Variants in TENT2 observed in about 807,000 individuals in gnomAD.
TENT2 encodes poly(A) RNA polymerase GLD2.
TENT2 carries 44 observed loss-of-function variants against 72.2 expected under a neutral mutation model. The observed-to-expected ratio is 0.61, with a 90% CI of 0.48 to 0.78. The LOEUF (loss-of-function observed/expected upper bound fraction) is 0.78, where lower values mean the gene tolerates loss of function less well. TENT2 is among the 30% of genes least tolerant of loss of function. The pLI is 0.00. For synonymous variants in TENT2, 212 were observed against 192.5 expected, an observed-to-expected ratio of 1.10 and a Z score of -0.84; for missense variants, 541 against 569.6, an observed-to-expected ratio of 0.95 and a Z score of 0.51.
chr5:79,666,005 A>G (rs1807434208), intron 11 of TENT2, among the ~76,000 whole-genome samples: 1 of 148,300 alleles, frequency 6.7e-6, no homozygotes, highest in Non-Finnish European at 1.5e-5. Flanking sequence ...TTTTAATGAG[A>G]CGGAGTTTTG....
At chr5:79,619,435 AATTT>A (rs1259256761) in intron 1 of TENT2, among the ~76,000 whole-genome samples, 173 bp from the exon 2 acceptor site, 1 of 152,166 alleles carries the variant, frequency 6.6e-6, no homozygotes, top group Admixed American at 6.5e-5. Context: ...TTAGATTTGG[AATTT>A]ATTATTAGTT....
At chr5:79,626,226 C>G (rs993236867) in intron 4 of TENT2, among the ~76,000 whole-genome samples, 3 of 151,816 alleles carry the variant, frequency 2.0e-5, no homozygotes, top group Non-Finnish European at 4.4e-5. Context: ...GCCTTAAACT[C>G]ATAGGTTCAA....
chr5:79,622,099 G>A (rs1402141776), intron 3 of TENT2, among the ~76,000 whole-genome samples: 3 of 152,002 alleles, frequency 2.0e-5, no homozygotes, highest in Non-Finnish European at 4.4e-5. Flanking sequence ...TCAGGAGTTC[G>A]AGACCAGCCT....
In TENT2 at chr5:79,685,180, A is replaced by AT. The variant is rs779455384; in HGVS notation, c.1381-14dup. 8.2e-6 allele frequency: 13 copies of AT among 1,577,992 alleles called. No individual in the cohort carries two copies. In the African/African-American group the frequency reaches 1.8e-4, roughly 21 times the overall value. On this transcript the variant is annotated intron_variant, in intron 14 of 14. Transcript: ENST00000453514. ...GCATAAATTTTAGGTTTTAAGAATG[A>AT]TTTTTCTTTCTCTCCCAGTCATGGC...
At chr5:79,644,307 T>G (rs1039653022) in intron 7 of TENT2, among the ~76,000 whole-genome samples, 1 of 152,118 alleles carries the variant, frequency 6.6e-6, no homozygotes, top group East Asian at 1.9e-4. Context: ...ATTTTGATGG[T>G]AAAACATTGT....
chr5:79,620,135 C>A, intron 3 of TENT2, 52 bp downstream of exon 3: 2 of 1,233,578 alleles, frequency 1.6e-6, no homozygotes, highest in East Asian at 2.5e-5. Flanking sequence ...TCTGAGAACT[C>A]TGTAATGATG....
At chr5:79,627,659 A>G (rs949832558) in intron 4 of TENT2, among the ~76,000 whole-genome samples, 3 of 151,938 alleles carry the variant, frequency 2.0e-5, no homozygotes, top group Non-Finnish European at 4.4e-5. Flanking sequence ...CCAATTTTGT[A>G]TTTTTAGTAG....
intron 4 of TENT2, among the ~76,000 whole-genome samples, chr5:79,633,516 C>A (rs1777363662): frequency 1.4e-5 from 2 of 142,108 alleles, no homozygotes. Context: ...TCTCAGCTCA[C>A]TGCAATCTCC....
rs896278415 is a variant in TENT2 at position 79,686,440 on chromosome 5, T to C, written c.*1167T>C. 1.3e-5 allele frequency: 2 copies of C among 152,018 alleles called. No homozygotes were observed. Among genetic ancestry groups the C allele is most frequent in the African/African-American group, 4.8e-5 (2 of 41,398 alleles). The allele number at this position is 152,018 out of a possible 1,614,324, so 9.4% of individuals were successfully genotyped here. A position where few individuals can be genotyped will look rare whatever the true frequency, so the allele number is the denominator to read the frequency against. ...ATATAAAAAGTAACCTTGAAAACAGTTTTAACTTTTTCAAAAGAACTATGT... is the reference window on the plus strand; with the variant it reads ...ATATAAAAAGTAACCTTGAAAACAGCTTTAACTTTTTCAAAAGAACTATGT... On this transcript the variant is annotated 3_prime_UTR_variant, in exon 15 of 15. Coordinates refer to ENST00000453514, the MANE Select transcript of TENT2 (RefSeq NM_001114394.3).
chr5:79,663,061 C>T (rs185355299), intron 11 of TENT2, among the ~76,000 whole-genome samples: 12 of 152,306 alleles, frequency 7.9e-5, no homozygotes, highest in East Asian at 1.9e-4. Context: ...TTTTATGTTA[C>T]GTAAATAGCT....
In TENT2 at chr5:79,612,618, C is replaced by G. The variant is rs936554636; in HGVS notation, c.-495C>G. Reference sequence around the variant, plus strand: ...GCCGTGAGGGGGGTTAGATCTCAGCCGGAGCCGGAGCTGGGCCTAGCTGTC... The same window carrying G: ...GCCGTGAGGGGGGTTAGATCTCAGCGGGAGCCGGAGCTGGGCCTAGCTGTC... On this transcript the variant is annotated 5_prime_UTR_variant, in exon 1 of 15. Transcript: ENST00000453514. The G allele has an allele frequency of 6.5e-6, 1 of 153,276 alleles. No individual in the cohort carries two copies. Among genetic ancestry groups the G allele is most frequent in the Non-Finnish European group, 1.5e-5 (1 of 68,628 alleles). 9.5% of individuals were successfully genotyped at this position (153,276 alleles called of 1,614,324 possible).
chr5:79,641,823 A>G (rs746358043), intron 6 of TENT2, among the ~76,000 whole-genome samples: 52 of 151,218 alleles, frequency 3.4e-4, no homozygotes, highest in Non-Finnish European at 6.3e-4. Flanking sequence ...TTTTTTTTGA[A>G]TACTTGCATT....
chr5:79,670,207 G>A (rs1332660062), intron 12 of TENT2, among the ~76,000 whole-genome samples: 9 of 143,496 alleles, frequency 6.3e-5, no homozygotes, highest in South Asian at 2.2e-4. Flanking sequence ...CAACAAGAGC[G>A]AAACTCTATC....
chr5:79,621,763 A>C (rs1480846413), intron 3 of TENT2, among the ~76,000 whole-genome samples: 2 of 140,786 alleles, frequency 1.4e-5, no homozygotes, highest in African/African-American at 6.0e-5. Flanking sequence ...ATCTCAAAAA[A>C]AAAAAAAAAC....
chr5:79,645,730 GTTGA>G (rs1788324928), intron 8 of TENT2, among the ~76,000 whole-genome samples: 1 of 152,072 alleles, frequency 6.6e-6, no homozygotes, highest in Non-Finnish European at 1.5e-5. Context: ...GTAAATAGAT[GTTGA>G]TTATTTCATT....
chr5:79,659,815 A>G (rs535186823), intron 11 of TENT2, among the ~76,000 whole-genome samples: 29 of 151,786 alleles, frequency 1.9e-4, no homozygotes, highest in African/African-American at 5.5e-4. Context: ...GTATTCACTA[A>G]CATTTTATCT....
intron 11 of TENT2, among the ~76,000 whole-genome samples, chr5:79,662,165 T>C (rs141548576): frequency 3.3e-5 from 5 of 152,206 alleles, no homozygotes; most frequent in Admixed American, 3.3e-4. Flanking sequence ...CTGTTAAAGT[T>C]TTATCATGAA....
intron 13 of TENT2, among the ~76,000 whole-genome samples, chr5:79,680,846 T>C (rs1357719466): frequency 6.6e-6 from 1 of 152,160 alleles, no homozygotes; most frequent in Admixed American, 6.5e-5. Context: ...TACCTACTGC[T>C]GGCATTATTT....
intron 1 of TENT2, among the ~76,000 whole-genome samples, chr5:79,615,911 C>T (rs1039882062): frequency 7.2e-4 from 109 of 151,652 alleles, no homozygotes; most frequent in Non-Finnish European, 1.3e-3. Flanking sequence ...TTTTTTGAGA[C>T]GAAGTCTCGT....
Sources: allele counts gnomAD v4.1 joint callset (sites outside exome capture counted in the v4.1 genomes callset), GRCh38; gene constraint gnomAD v4.1.1; transcripts MANE v1.5; gene names NCBI Gene and HGNC (gene_info 2026-07-23, HGNC 2026-07-21).